ZFPM2: variants seen among roughly 807,000 people sequenced by gnomAD.
The protein encoded by ZFPM2 is zinc finger protein ZFPM2.
In ZFPM2, 20 loss-of-function variants were observed where a neutral mutation model predicts 98.6. The ratio of observed to expected loss-of-function variants is 0.20; its 90% CI spans 0.14 to 0.29. ZFPM2 has a LOEUF of 0.29. Among genes scored for constraint, ZFPM2 ranks in the 10% least tolerant of loss-of-function variants. The pLI, the probability that ZFPM2 is intolerant of heterozygous loss-of-function variation, is 1.00. For missense variants in ZFPM2, 1,310 were observed against 1,388.6 expected (o/e 0.94, Z 0.90); for synonymous variants, 518 against 502.7 (o/e 1.03, Z -0.41).
At chr8:105,730,347 T>G (rs1811900894) in intron 5 of ZFPM2, among the ~76,000 whole-genome samples, 1 of 151,794 alleles carries the variant, frequency 6.6e-6, no homozygotes, top group South Asian at 2.1e-4. Flanking sequence ...TTGTTACTAT[T>G]GGACTATTTA....
At chr8:105,359,483 C>T (rs1364952149) in intron 1 of ZFPM2, among the ~76,000 whole-genome samples, 6 of 150,596 alleles carry the variant, frequency 4.0e-5, no homozygotes, top group African/African-American at 1.5e-4. Flanking sequence ...TCAAGTGATT[C>T]TCCTGCCTCA....
At chr8:105,374,044 A>T (rs1810674785) in intron 1 of ZFPM2, among the ~76,000 whole-genome samples, 1 of 152,142 alleles carries the variant, frequency 6.6e-6, no homozygotes, top group Non-Finnish European at 1.5e-5. Flanking sequence ...TTAATATATA[A>T]ATGGAACTCT....
At chr8:105,583,258 T>A (rs1278966099) in intron 4 of ZFPM2, among the ~76,000 whole-genome samples, 8 of 152,190 alleles carry the variant, frequency 5.3e-5, no homozygotes, top group African/African-American at 1.9e-4. Flanking sequence ...GCATATTTGA[T>A]TATATATTTT....
At chr8:105,698,323 G>A (rs955264952) in intron 5 of ZFPM2, among the ~76,000 whole-genome samples, 1 of 152,144 alleles carries the variant, frequency 6.6e-6, no homozygotes, top group African/African-American at 2.4e-5. Flanking sequence ...GAGAGAGAAG[G>A]GGTATCATCC....
intron 1 of ZFPM2, among the ~76,000 whole-genome samples, chr8:105,400,244 ATTT>A (rs1394737444): frequency 6.6e-6 from 1 of 151,648 alleles, no homozygotes; most frequent in African/African-American, 2.4e-5. Context: ...TCTGAAATTT[ATTT>A]TTTTATTTTT....
chr8:105,787,983 T>G (rs1813472052), intron 5 of ZFPM2, among the ~76,000 whole-genome samples: 1 of 152,226 alleles, frequency 6.6e-6, no homozygotes, highest in Non-Finnish European at 1.5e-5. Context: ...TCTCAGTGTT[T>G]GAAGAGACAT....
chr8:105,323,157 A>G (rs1812059037), intron 1 of ZFPM2, among the ~76,000 whole-genome samples: 1 of 151,776 alleles, frequency 6.6e-6, no homozygotes, highest in Non-Finnish European at 1.5e-5. Context: ...TTCTATTGAT[A>G]TTCAATCTAT....
At chr8:105,534,063 C>T (rs2092870690) in intron 3 of ZFPM2, among the ~76,000 whole-genome samples, 1 of 48,104 alleles carries the variant, frequency 2.1e-5, no homozygotes, top group Non-Finnish European at 3.9e-5. Flanking sequence ...TTCCTCCCTC[C>T]CTTCCTTCCT....
At chr8:105,431,131 C>T (rs1479408607) in intron 2 of ZFPM2, among the ~76,000 whole-genome samples, 1 of 152,012 alleles carries the variant, frequency 6.6e-6, no homozygotes, top group Non-Finnish European at 1.5e-5. Flanking sequence ...TGGTCTCAAA[C>T]TCCTGACCTC....
At chr8:105,465,622 A>C (rs1812783358) in intron 3 of ZFPM2, among the ~76,000 whole-genome samples, 2 of 151,986 alleles carry the variant, frequency 1.3e-5, no homozygotes, top group South Asian at 2.1e-4. Flanking sequence ...ATAATGATTT[A>C]AATTATAAAA....
At chr8:105,680,731 TG>T (rs1198766061) in intron 5 of ZFPM2, among the ~76,000 whole-genome samples, 1 of 152,184 alleles carries the variant, frequency 6.6e-6, no homozygotes, top group Non-Finnish European at 1.5e-5. Flanking sequence ...AAGAATATCT[TG>T]GGTCCTTGAT....
intron 5 of ZFPM2, among the ~76,000 whole-genome samples, chr8:105,708,013 G>T (rs924680484): frequency 1.5e-4 from 23 of 152,268 alleles, no homozygotes; most frequent in African/African-American, 5.5e-4. Flanking sequence ...CTCGTCATAT[G>T]GTTCCACCCT....
chr8:105,632,951 C>T (rs1280990933), intron 4 of ZFPM2, among the ~76,000 whole-genome samples: 1 of 151,794 alleles, frequency 6.6e-6, no homozygotes, highest in African/African-American at 2.4e-5. Context: ...TTCCATTAAA[C>T]AGTATATTTT....
rs549232071 is a variant in ZFPM2, at chr8:105,468,378, C to G, written c.301+23997C>G. Among the ~76,000 whole-genome samples, 37 of 152,166 alleles carry G rather than the reference C, an allele frequency of 2.4e-4. 1 individual carries two copies. The South Asian group carries it at 7.5e-3, about 31-fold the overall frequency. On this transcript the variant is annotated intron_variant, in intron 3 of 7. Coordinates refer to ENST00000407775, the MANE Select transcript of ZFPM2 (RefSeq NM_012082.4). ...ATGTCCTCCTTCATATGTATCAACC[C>G]TCTTTTACAACCACGCTTTATCCCT...
chr8:105,600,275 T>C (rs1816064239), intron 4 of ZFPM2, among the ~76,000 whole-genome samples: 1 of 152,156 alleles, frequency 6.6e-6, no homozygotes. Context: ...TTTGAGACTA[T>C]ATTTTGACTA....
chr8:105,391,006 A>G (rs1811095961), intron 1 of ZFPM2, among the ~76,000 whole-genome samples: 2 of 152,186 alleles, frequency 1.3e-5, no homozygotes, highest in African/African-American at 4.8e-5. Flanking sequence ...AGAATTATAT[A>G]CTGAGAGTCA....
chr8:105,638,076 T>G (rs1001977111), intron 5 of ZFPM2, among the ~76,000 whole-genome samples: 9 of 115,788 alleles, frequency 7.8e-5, no homozygotes, highest in Non-Finnish European at 1.6e-4. Context: ...CCCCAAACTC[T>G]CTCTCTCTAT....
At chr8:105,782,447 C>T (rs1813278083) in intron 5 of ZFPM2, 1 of 152,180 alleles carries the variant, frequency 6.6e-6, no homozygotes, top group African/African-American at 2.4e-5. Flanking sequence ...TCTGTGATTT[C>T]AGGTGCCACC....
rs148327718 is a variant in ZFPM2 at position 105,767,785 on chromosome 8, A to T, written c.533-20933A>T. On this transcript the variant is annotated intron_variant, in intron 5 of 7. Coordinates refer to ENST00000407775, the MANE Select transcript of ZFPM2 (RefSeq NM_012082.4). ...ATGCTTTTTGATATCTTAAACTTGG[A>T]ACAGCTAAGCTTCCGTTGCTATTTT... Among the ~76,000 whole-genome samples, 1,197 of 152,008 alleles carry T rather than the reference A, an allele frequency of 7.9e-3. 13 individuals carry two copies. The highest frequency in any genetic ancestry group is 0.025 in the African/African-American group (1,056 of 41,524).
Sources: allele counts gnomAD v4.1 joint callset (sites outside exome capture counted in the v4.1 genomes callset), GRCh38; gene constraint gnomAD v4.1.1; transcripts MANE v1.5; gene names NCBI Gene and HGNC (gene_info 2026-07-23, HGNC 2026-07-21).